The following DNAH8 variants were observed in gnomAD, a reference collection of about 807,000 sequenced individuals.
DNAH8 encodes axonemal beta dynein heavy chain 8.
Under a neutral mutation model 562.1 loss-of-function variants are expected in DNAH8, and 382 were observed. The observed-to-expected ratio is 0.68, with a 90% CI of 0.63 to 0.74. DNAH8 has a LOEUF of 0.74. DNAH8 is among the 30% of genes least tolerant of loss of function. DNAH8 has a pLI of 0.00. For missense variants in DNAH8, 5,203 were observed against 5,620.4 expected, an observed-to-expected ratio of 0.93 and a Z score of 2.37; for synonymous variants, 1,881 against 1,919.4, an observed-to-expected ratio of 0.98 and a Z score of 0.52.
chr6:38,902,817 G>A (rs1235169299), intron 62 of DNAH8, among the ~76,000 whole-genome samples: 1 of 152,198 alleles, frequency 6.6e-6, no homozygotes, highest in African/African-American at 2.4e-5. Context: ...GGAAGAGGAG[G>A]AAAGAACAGG....
intron 87 of DNAH8, among the ~76,000 whole-genome samples, chr6:38,987,777 C>T (rs1764500313): frequency 6.6e-6 from 1 of 152,172 alleles, no homozygotes; most frequent in Non-Finnish European, 1.5e-5. Context: ...TCTCCAACCT[C>T]CTGTCTTGTT....
chr6:38,883,325 G>A lies in DNAH8; in HGVS notation c.8005G>A (p.Val2669Ile). 4.4e-6 allele frequency: 7 copies of A among 1,606,304 alleles called. No homozygotes were observed. The highest frequency in any genetic ancestry group is 5.9e-6 in the Non-Finnish European group (7 of 1,177,128). ...CACTATTATCCTATGATTGCAGGCT[G>A]TTTTGCTCACAGGAGAGCAGGGAAC... is the stretch of plus-strand genomic sequence containing the variant. ...IDTIAKQHKAVLLTGEQGTAK... is the reference protein window; with the variant it reads ...IDTIAKQHKAILLTGEQGTAK... The change falls in exon 55 of 93, where the codon GTT becomes ATT. Residue 2669 changes from valine to isoleucine, a missense_variant. Physicochemically the swap from Val to Ile is conservative, Grantham distance 29. Transcript: ENST00000327475.
At position 38,838,003 on chromosome 6, in the gene DNAH8, G is replaced by T. The variant is rs764965916; in HGVS notation, c.4427G>T (p.Gly1476Val). 1.2e-5 allele frequency: 19 copies of T among 1,613,086 alleles called. No individual in the cohort carries two copies. Among genetic ancestry groups the T allele is most frequent in the Non-Finnish European group, 1.6e-5 (19 of 1,179,564 alleles). ...TATTCATCTGGTGAACAACTTTTTG[G>T]ATTGCCTGTGACTGATTATGAGGTT... ...VTYSSGEQLF[G>V]LPVTDYEVLH... Residue 1476 changes from glycine to valine, a missense_variant, in exon 33 of 93, where the codon GGA becomes GTA. Gly to Val is a moderately radical substitution (Grantham distance 109, BLOSUM62 -3). Coordinates refer to ENST00000327475, the MANE Select transcript of DNAH8 (RefSeq NM_001206927.2).
rs762752794 is a variant in DNAH8 at position 38,823,683 on chromosome 6, A to T, written c.3842A>T (p.His1281Leu). Reference sequence around the variant, plus strand: ...ATTGTTGTAGGAGCACTTGAATTACATACAGGTATTTTAAAAATGTTTATT... The same window carrying T: ...ATTGTTGTAGGAGCACTTGAATTACTTACAGGTATTTTAAAAATGTTTATT... ...PIIVVGALEL[H>L]TEPMKLALSI... The change falls in exon 28 of 93, where the codon CAT (histidine) becomes CTT (leucine). Residue 1281 changes from histidine to leucine, a missense_variant. Physicochemically the swap from His to Leu is moderately conservative, Grantham distance 99 (BLOSUM62 -3). This residue lies in a region of DNAH8 where 2,176 missense variants were observed against 2,365.1 expected (regional missense o/e 0.92). Transcript: ENST00000327475. 6.3e-7 allele frequency: 1 copy of T among 1,591,230 alleles called. No homozygotes were observed. Among genetic ancestry groups the T allele is most frequent in the African/African-American group, 1.4e-5 (1 of 74,048 alleles).
intron 82 of DNAH8, among the ~76,000 whole-genome samples, chr6:38,964,920 C>G (rs1013529843): frequency 6.6e-6 from 1 of 151,906 alleles, no homozygotes; most frequent in Non-Finnish European, 1.5e-5. Flanking sequence ...AAAAATTAGT[C>G]GGGCGTGGTG....
chr6:38,890,391 GTAA>G (rs1481166383), intron 57 of DNAH8, among the ~76,000 whole-genome samples: 1 of 152,172 alleles, frequency 6.6e-6, no homozygotes, highest in African/African-American at 2.4e-5. Flanking sequence ...AATGGGACTA[GTAA>G]TAATAATACC....
In DNAH8 at chr6:38,948,047, C is replaced by T. The variant is rs146420106; in HGVS notation, c.12130-1405C>T. Among the ~76,000 whole-genome samples, 15 of 151,462 alleles carry T rather than the reference C, an allele frequency of 9.9e-5. No individual in the cohort carries two copies. The East Asian group carries it at 3.0e-3, about 30-fold the overall frequency. On this transcript the variant is annotated intron_variant, in intron 80 of 92. Coordinates refer to ENST00000327475, the MANE Select transcript of DNAH8 (RefSeq NM_001206927.2). ...ACAGGCATGAGCCACCATGCCAGGC[C>T]AGAAATCCCCTTCATCTTTTAGTGC...
chr6:38,775,706 T>TG (rs1371700942), intron 12 of DNAH8, 48 bp from the exon 13 acceptor site: 1 of 1,160,092 alleles, frequency 8.6e-7, no homozygotes, highest in Non-Finnish European at 1.3e-6. Context: ...TTAGGGAAGT[T>TG]GCCTGCTATC....
At position 38,741,887 on chromosome 6, in the gene DNAH8, G is replaced by A. The variant is rs1365113407; in HGVS notation, c.1293G>A (p.Lys431=). The part of the protein sequence containing the change: ...VLNVAHSKLL[K]NWRDLDARIT... Reference sequence around the variant, plus strand: ...ATGTTGCACACTCCAAACTGCTAAAGGTAAAAGGCTTTTTATTTAAAGTTT... The same window carrying A: ...ATGTTGCACACTCCAAACTGCTAAAAGTAAAAGGCTTTTTATTTAAAGTTT... Residue 431 remains lysine, a splice_region_variant and synonymous_variant, in exon 8 of 93, where the codon AAG becomes AAA. Coordinates refer to ENST00000327475, the MANE Select transcript of DNAH8 (RefSeq NM_001206927.2). 1 of 1,602,084 alleles carries A rather than the reference G, an allele frequency of 6.2e-7. No individual in the cohort carries two copies. The highest frequency in any genetic ancestry group is 8.5e-7 in the Non-Finnish European group (1 of 1,175,968).
intron 82 of DNAH8, among the ~76,000 whole-genome samples, chr6:38,970,571 A>G (rs1763267506): frequency 6.6e-6 from 1 of 152,174 alleles, no homozygotes; most frequent in Non-Finnish European, 1.5e-5. Flanking sequence ...AGACCCTCTC[A>G]GAATATCTGG....
chr6:39,026,482 C>A, intron 91 of DNAH8, 64 bp from the exon 92 acceptor site: 1 of 1,513,030 alleles, frequency 6.6e-7, no homozygotes, highest in South Asian at 1.2e-5. Context: ...CTTAACATTG[C>A]TTCCTTCTTG....
rs762496948 is a variant in DNAH8 at position 38,929,680 on chromosome 6, A to T, written c.11274+14A>T. On this transcript the variant is annotated intron_variant, in intron 75 of 92. Transcript: ENST00000327475. ...ACCACTTTCAAGGTGAGCTTTGTAA[A>T]AAAAAAAAAAAAGAAAGAAAGAAAG... The T allele has an allele frequency of 7.0e-7, 1 of 1,435,144 alleles. No homozygotes were observed. The highest frequency in any genetic ancestry group is 9.3e-7 in the Non-Finnish European group (1 of 1,079,644). The allele number at this position is 1,435,144 out of a possible 1,614,324, so 88.9% of individuals were successfully genotyped here. A position where few individuals can be genotyped will look rare whatever the true frequency, so the allele number is the denominator to read the frequency against.
At chr6:38,778,289 G>T in intron 13 of DNAH8, 99 bp from the exon 14 acceptor site, 2 of 630,034 alleles carry the variant, frequency 3.2e-6, no homozygotes, top group Non-Finnish European at 5.5e-6. Flanking sequence ...TTTGAGGCTT[G>T]AGGCTATCTT....
At chr6:38,893,117 C>T (rs1779447943) in intron 58 of DNAH8, among the ~76,000 whole-genome samples, 1 of 152,202 alleles carries the variant, frequency 6.6e-6, no homozygotes, top group African/African-American at 2.4e-5. Flanking sequence ...AGTTAGCTGT[C>T]CTCTGTTTAC....
rs2127565149 is a variant in DNAH8 at position 38,723,138 on chromosome 6, C to T, written c.329C>T (p.Ser110Phe). ...VLSLPSSRRS[S>F]RYRRSMSGLP... ...TCCTTGCCGTCTTCCCGGAGGTCCT[C>T]CAGATACCGCCGGAGTATGAGTGGC... Residue 110 changes from serine (S) to phenylalanine (F), a missense_variant, in exon 2 of 93, where the codon TCC becomes TTC. Ser to Phe is a radical substitution (Grantham distance 155, BLOSUM62 -2). Around this residue, in one of 6 missense-constraint regions of DNAH8, gnomAD observed 556 missense variants for 496.9 expected, o/e 1.12. Coordinates refer to ENST00000327475, the MANE Select transcript of DNAH8 (RefSeq NM_001206927.2). 2 of 1,612,706 alleles carry T rather than the reference C, an allele frequency of 1.2e-6. No individual in the cohort carries two copies. The highest frequency in any genetic ancestry group is 1.1e-5 in the South Asian group (1 of 91,078).
chr6:38,914,687 T>G (rs1396146217), intron 67 of DNAH8, among the ~76,000 whole-genome samples: 1 of 152,088 alleles, frequency 6.6e-6, no homozygotes, highest in Admixed American at 6.6e-5. Context: ...AGCCTTCTAG[T>G]CTCAGACTTT....
At chr6:38,860,020 A>G (rs1411758344) in intron 42 of DNAH8, among the ~76,000 whole-genome samples, 1 of 152,108 alleles carries the variant, frequency 6.6e-6, no homozygotes, top group East Asian at 1.9e-4. Flanking sequence ...ATTTGCCTAT[A>G]GCACTTACTC....
intron 79 of DNAH8, among the ~76,000 whole-genome samples, 157 bp downstream of exon 79, chr6:38,939,145 A>G (rs765808244): frequency 6.6e-6 from 1 of 152,146 alleles, no homozygotes; most frequent in Non-Finnish European, 1.5e-5. Flanking sequence ...TCTGTTTTTC[A>G]TTCGTTTTGC....
intron 22 of DNAH8, among the ~76,000 whole-genome samples, chr6:38,803,554 TG>T: frequency 6.6e-6 from 1 of 151,164 alleles, no homozygotes; most frequent in South Asian, 2.1e-4. Context: ...CGTTGCAAGT[TG>T]GCCTTCCTAT....
Sources: gnomAD v4.1 joint callset for allele counts (sites outside exome capture counted in the v4.1 genomes callset) on GRCh38, gnomAD v4.1.1 for gene constraint, gnomAD v4.1.1 regional missense constraint, MANE v1.5 for transcripts, NCBI Gene and HGNC (gene_info 2026-07-23, HGNC 2026-07-21) for gene names.